Variants in LDAH observed in about 807,000 individuals in gnomAD.
LDAH encodes the protein lipid droplet associated hydrolase.
Under a neutral mutation model 29.6 loss-of-function variants are expected in LDAH, and 26 were observed. The ratio of observed to expected loss-of-function variants is 0.88; its 90% confidence interval spans 0.64 to 1.22. LDAH has a LOEUF of 1.22. LDAH is among the 50% of genes most tolerant of loss of function. The pLI, the probability that LDAH is intolerant of heterozygous loss-of-function variation, is 0.00. For missense variants in LDAH, 344 were observed against 387.3 expected (o/e 0.89, Z 0.94); for synonymous variants, 117 against 133.0 (o/e 0.88, Z 0.83).
chr2:20,808,001 A>G (rs1016835274), intron 1 of LDAH, among the ~76,000 whole-genome samples: 1 of 152,042 alleles, frequency 6.6e-6, no homozygotes, highest in African/African-American at 2.4e-5. Flanking sequence ...GTCATTAGCT[A>G]AAAGGTCAAT....
chr2:20,775,038 C>T (rs1439321295), intron 3 of LDAH, 59 bp from the exon 4 acceptor site: 5 of 1,421,566 alleles, frequency 3.5e-6, no homozygotes, highest in Non-Finnish European at 4.8e-6. Flanking sequence ...GAAAAAAGAT[C>T]AAGAAAAAGA....
chr2:20,720,773 T>C (rs1665590610), intron 5 of LDAH, among the ~76,000 whole-genome samples: 1 of 152,186 alleles, frequency 6.6e-6, no homozygotes, highest in African/African-American at 2.4e-5. Flanking sequence ...AACATGATAC[T>C]GGCATAAAAG....
intron 6 of LDAH, among the ~76,000 whole-genome samples, chr2:20,696,915 C>T (rs767466347): frequency 2.6e-5 from 4 of 152,116 alleles, no homozygotes; most frequent in Non-Finnish European, 4.4e-5. Context: ...AGTGGCTCCT[C>T]GTCTTCCTCC....
At chr2:20,754,445 C>T (rs1201043435) in intron 4 of LDAH, among the ~76,000 whole-genome samples, 1 of 134,224 alleles carries the variant, frequency 7.5e-6, no homozygotes, top group Non-Finnish European at 1.5e-5. Context: ...GAGCTGAGAT[C>T]ATGCTACTGC....
intron 1 of LDAH, among the ~76,000 whole-genome samples, chr2:20,821,801 C>G (rs1226886736): frequency 1.3e-5 from 2 of 152,048 alleles, no homozygotes; most frequent in African/African-American, 4.8e-5. Flanking sequence ...AAAAAATCCT[C>G]CAGTCTGAAG....
intron 1 of LDAH, among the ~76,000 whole-genome samples, chr2:20,819,214 C>T (rs193118932): frequency 1.3e-4 from 18 of 141,936 alleles, no homozygotes; most frequent in East Asian, 7.7e-4. Context: ...ATTACACACA[C>T]AATTTTTTTT....
At chr2:20,795,991 C>G (rs1671283949) in intron 2 of LDAH, among the ~76,000 whole-genome samples, 1 of 146,400 alleles carries the variant, frequency 6.8e-6, no homozygotes, top group Admixed American at 6.8e-5. Context: ...ACACAAAATA[C>G]AATTCTAAAT....
At chr2:20,724,785 T>C (rs1053660739) in intron 5 of LDAH, among the ~76,000 whole-genome samples, 4 of 152,240 alleles carry the variant, frequency 2.6e-5, no homozygotes, top group Middle Eastern at 3.2e-3. Context: ...TAAATAGTTT[T>C]CTAAAGTAGA....
chr2:20,739,799 G>GA (rs1667043603), intron 5 of LDAH, among the ~76,000 whole-genome samples, 172 bp downstream of exon 5: 1 of 151,908 alleles, frequency 6.6e-6, no homozygotes, highest in South Asian at 2.1e-4. Context: ...AATTTCTTAT[G>GA]AAAAAATTCA....
At chr2:20,711,281 G>A (rs981588321) in intron 5 of LDAH, among the ~76,000 whole-genome samples, 21 of 151,894 alleles carry the variant, frequency 1.4e-4, no homozygotes, top group Admixed American at 8.5e-4. Flanking sequence ...CCAGCTACTC[G>A]GGAGGCTGAG....
At chr2:20,752,102 G>T (rs1668010967) in intron 4 of LDAH, among the ~76,000 whole-genome samples, 1 of 152,030 alleles carries the variant, frequency 6.6e-6, no homozygotes, top group Admixed American at 6.6e-5. Flanking sequence ...ATGTTGCCCA[G>T]GCTGGTCTTG....
At chr2:20,775,976 G>A (rs542474236) in intron 3 of LDAH, among the ~76,000 whole-genome samples, 2 of 152,230 alleles carry the variant, frequency 1.3e-5, no homozygotes, top group Non-Finnish European at 2.9e-5. Context: ...GAGGATGCTG[G>A]CCACTCTAAT....
At chr2:20,695,484 G>A (rs1199995082) in intron 6 of LDAH, among the ~76,000 whole-genome samples, 3 of 144,986 alleles carry the variant, frequency 2.1e-5, no homozygotes, top group African/African-American at 2.6e-5. Flanking sequence ...ACGGAGTCTC[G>A]CTCTGTTGCC....
chr2:20,766,208 C>G (rs554708574), intron 4 of LDAH, among the ~76,000 whole-genome samples: 55 of 152,068 alleles, frequency 3.6e-4, no homozygotes, highest in African/African-American at 1.3e-3. Flanking sequence ...TTATTCTATT[C>G]TATTTTACTT....
At chr2:20,754,316 G>A (rs1215324289) in intron 4 of LDAH, among the ~76,000 whole-genome samples, 2 of 151,416 alleles carry the variant, frequency 1.3e-5, no homozygotes, top group African/African-American at 2.4e-5. Context: ...GGTGAAACCC[G>A]TCTCTACTAA....
intron 5 of LDAH, among the ~76,000 whole-genome samples, chr2:20,705,717 C>T (rs1558394513): frequency 6.6e-6 from 1 of 152,138 alleles, no homozygotes; most frequent in South Asian, 2.1e-4. Flanking sequence ...CTACTATAAA[C>T]ATGTGCTCTG....
intron 1 of LDAH, among the ~76,000 whole-genome samples, chr2:20,811,842 G>A (rs938142386): frequency 2.6e-5 from 4 of 152,122 alleles, no homozygotes; most frequent in African/African-American, 7.2e-5. Context: ...TTACACTAGA[G>A]TTTGGCAGCT....
chr2:20,782,510 G>C (rs1274351261), intron 3 of LDAH, among the ~76,000 whole-genome samples: 1 of 152,132 alleles, frequency 6.6e-6, no homozygotes, highest in Non-Finnish European at 1.5e-5. Flanking sequence ...TCCTTATTCA[G>C]CTTTGGTGGT....
chr2:20,748,435 A>G, intron 4 of LDAH, among the ~76,000 whole-genome samples: 1 of 152,222 alleles, frequency 6.6e-6, no homozygotes. Context: ...CCTATAGCCC[A>G]TTCTTCTCAA....
Sources: gnomAD v4.1 joint callset for allele counts (sites outside exome capture counted in the v4.1 genomes callset) on GRCh38, gnomAD v4.1.1 for gene constraint, MANE v1.5 for transcripts, NCBI Gene and HGNC (gene_info 2026-07-23, HGNC 2026-07-21) for gene names.